Variants in PACRG observed in about 807,000 individuals in gnomAD.
PACRG encodes parkin coregulated.
Under a neutral mutation model 29.7 loss-of-function variants are expected in PACRG, and 29 were observed. The observed-to-expected ratio is 0.98, with a 90% CI of 0.73 to 1.33. The LOEUF (loss-of-function observed/expected upper bound fraction) is 1.33, where lower values mean the gene tolerates loss of function less well. Among genes scored for constraint, PACRG ranks in the 40% most tolerant of loss-of-function variants. The pLI is 0.00. For synonymous variants in PACRG, 116 were observed against 118.7 expected, an observed-to-expected ratio of 0.98 and a Z score of 0.15; for missense variants, 279 against 316.2, an observed-to-expected ratio of 0.88 and a Z score of 0.89.
intron 1 of PACRG, among the ~76,000 whole-genome samples, chr6:162,807,971 A>G (rs747306370): frequency 7.2e-5 from 11 of 152,140 alleles, no homozygotes; most frequent in Non-Finnish European, 1.3e-4. Context: ...GTTATAACTT[A>G]TTATAATCAT....
intron 4 of PACRG, among the ~76,000 whole-genome samples, chr6:163,314,413 T>C (rs541452521): frequency 6.6e-6 from 1 of 152,120 alleles, no homozygotes; most frequent in Admixed American, 6.5e-5. Flanking sequence ...TAAGCCTCAT[T>C]CCAAAGCAGA....
intron 4 of PACRG, among the ~76,000 whole-genome samples, chr6:163,121,666 T>G (rs1349506526): frequency 6.8e-6 from 1 of 147,288 alleles, no homozygotes; most frequent in Non-Finnish European, 1.5e-5. Context: ...CGGTAATCTT[T>G]TTTTTTTTTT....
At chr6:162,791,345 T>C (rs1035987811) in intron 1 of PACRG, among the ~76,000 whole-genome samples, 2 of 147,052 alleles carry the variant, frequency 1.4e-5, no homozygotes, top group African/African-American at 5.0e-5. Context: ...TAACTTTCCT[T>C]TTTCTGTAGA....
At chr6:162,729,220 A>G (rs985460441) in intron 1 of PACRG, among the ~76,000 whole-genome samples, 1 of 152,204 alleles carries the variant, frequency 6.6e-6, no homozygotes, top group Admixed American at 6.5e-5. Flanking sequence ...TGAGTAAGCA[A>G]CTGTCTGGGA....
intron 4 of PACRG, among the ~76,000 whole-genome samples, chr6:163,137,779 G>A (rs1432340281): frequency 1.3e-5 from 2 of 152,358 alleles, no homozygotes; most frequent in Non-Finnish European, 1.5e-5. Flanking sequence ...AAACTGCTCC[G>A]GGATACTCCG....
chr6:163,136,159 A>G (rs1316010108), intron 4 of PACRG, among the ~76,000 whole-genome samples: 3 of 152,206 alleles, frequency 2.0e-5, no homozygotes, highest in Non-Finnish European at 4.4e-5. Context: ...TACCTTGATT[A>G]AGACAACCCT....
chr6:162,939,750 T>G (rs886495082), intron 2 of PACRG, among the ~76,000 whole-genome samples: 12 of 152,018 alleles, frequency 7.9e-5, no homozygotes, highest in African/African-American at 2.9e-4. Context: ...TTTCTATCTG[T>G]TATATTGTTG....
intron 2 of PACRG, among the ~76,000 whole-genome samples, chr6:163,033,836 A>G (rs1807898472): frequency 6.6e-6 from 1 of 152,200 alleles, no homozygotes. Flanking sequence ...GACCTGTAGC[A>G]AAGTTTAGAA....
In PACRG at chr6:162,915,817, C is replaced by T. The variant is rs142331328; in HGVS notation, c.291+101536C>T. 3.8e-3 allele frequency among the ~76,000 whole-genome samples: 583 copies of T among 152,180 alleles called. 4 individuals carry two copies. The highest frequency in any genetic ancestry group is 7.1e-3 in the Admixed American group (108 of 15,294). On this transcript the variant is annotated intron_variant, in intron 2 of 4. Coordinates refer to ENST00000366888, the MANE Select transcript of PACRG (RefSeq NM_001080379.2). ...AGAAACCTTGGAACCATAGAGGTCT[C>T]TTTGCCACCTCCTACCTTTATTTTA...
intron 1 of PACRG, among the ~76,000 whole-genome samples, chr6:162,770,207 A>C (rs1783109817): frequency 1.3e-5 from 2 of 152,272 alleles, no homozygotes; most frequent in East Asian, 3.9e-4. Flanking sequence ...CCTCAGTGTT[A>C]TATATTCCAC....
intron 2 of PACRG, among the ~76,000 whole-genome samples, chr6:163,036,560 T>G (rs545573605): frequency 5.3e-5 from 8 of 152,182 alleles, no homozygotes; most frequent in Non-Finnish European, 1.2e-4. Context: ...AGTGGGCAAT[T>G]CAATCACCTC....
At chr6:163,130,801 C>G (rs192449971) in intron 4 of PACRG, among the ~76,000 whole-genome samples, 14 of 152,314 alleles carry the variant, frequency 9.2e-5, no homozygotes, top group Non-Finnish European at 1.6e-4. Context: ...TGTGTCTGAT[C>G]TGGCCCAGGA....
intron 2 of PACRG, among the ~76,000 whole-genome samples, chr6:162,852,397 A>G (rs1203431925): frequency 6.6e-6 from 1 of 152,076 alleles, no homozygotes; most frequent in Non-Finnish European, 1.5e-5. Flanking sequence ...CAGCAGCAGA[A>G]CCCCCAGCGC....
chr6:163,249,851 T>C (rs533658679), intron 4 of PACRG, among the ~76,000 whole-genome samples: 14 of 152,308 alleles, frequency 9.2e-5, no homozygotes, highest in Non-Finnish European at 1.8e-4. Context: ...GGAGTGTCTT[T>C]TATGCCAAAC....
At chr6:163,215,097 A>T (rs1038914728) in intron 4 of PACRG, among the ~76,000 whole-genome samples, 2 of 152,146 alleles carry the variant, frequency 1.3e-5, no homozygotes, top group Non-Finnish European at 2.9e-5. Context: ...TTCAGGAAAT[A>T]AATGCCACTC....
chr6:163,024,390 T>C (rs1806918869), intron 2 of PACRG, among the ~76,000 whole-genome samples: 1 of 152,312 alleles, frequency 6.6e-6, no homozygotes, highest in Admixed American at 6.5e-5. Context: ...TTGTAGGGTA[T>C]GCAGCTTTAT....
intron 2 of PACRG, among the ~76,000 whole-genome samples, chr6:162,867,450 C>T (rs1205785636): frequency 1.3e-5 from 2 of 152,108 alleles, no homozygotes; most frequent in Non-Finnish European, 2.9e-5. Flanking sequence ...CCCCTGCACC[C>T]TGGCTTCCTG....
At chr6:162,906,756 T>C (rs1043407747) in intron 2 of PACRG, among the ~76,000 whole-genome samples, 1 of 152,208 alleles carries the variant, frequency 6.6e-6, no homozygotes, top group African/African-American at 2.4e-5. Flanking sequence ...AACTGACATA[T>C]TGCTAAAGAA....
At chr6:162,785,920 G>A (rs1398929566) in intron 1 of PACRG, among the ~76,000 whole-genome samples, 2 of 152,218 alleles carry the variant, frequency 1.3e-5, no homozygotes, top group Non-Finnish European at 2.9e-5. Context: ...GACCCGTGGA[G>A]GACAGTGCAC....
Sources: gnomAD v4.1 joint callset for allele counts (sites outside exome capture counted in the v4.1 genomes callset) on GRCh38, gnomAD v4.1.1 for gene constraint, MANE v1.5 for transcripts, NCBI Gene and HGNC (gene_info 2026-07-23, HGNC 2026-07-21) for gene names.